Variants in MERTK observed in about 807,000 individuals in gnomAD.
The protein encoded by MERTK is MER proto-oncogene, tyrosine kinase.
A neutral mutation model predicts 99.3 loss-of-function variants in MERTK; 69 were observed. The ratio of observed to expected loss-of-function variants is 0.70; its 90% confidence interval spans 0.57 to 0.85. The LOEUF (loss-of-function observed/expected upper bound fraction) is 0.85, where lower values mean the gene tolerates loss of function less well. Among genes scored for constraint, MERTK ranks in the 40% least tolerant of loss-of-function variants. The pLI, the probability that MERTK is intolerant of heterozygous loss-of-function variation, is 0.00. For missense variants in MERTK, 1,125 were observed against 1,249.4 expected (o/e 0.90, Z 1.50); for synonymous variants, 426 against 467.6 (o/e 0.91, Z 1.15).
At chr2:111,910,885 A>G (rs1350374268) in intron 1 of MERTK, among the ~76,000 whole-genome samples, 1 of 152,172 alleles carries the variant, frequency 6.6e-6, no homozygotes, top group Admixed American at 6.5e-5. Flanking sequence ...AAGAATTCAA[A>G]ATTACAGCAA....
intron 15 of MERTK, 160 bp downstream of exon 15, chr2:112,010,226 T>C (rs1425193152): frequency 1.3e-5 from 9 of 688,512 alleles, no homozygotes; most frequent in Non-Finnish European, 2.4e-5. Context: ...GTGGGGTCTA[T>C]CCTCACAGCA....
chr2:111,968,318 T>G, intron 6 of MERTK, 66 bp downstream of exon 6: 1 of 1,344,370 alleles, frequency 7.4e-7, no homozygotes, highest in Non-Finnish European at 1.1e-6. Context: ...GGATTTTTCT[T>G]CCTTCCAAGG....
At chr2:111,962,681 C>A (rs1198288597) in intron 4 of MERTK, among the ~76,000 whole-genome samples, 1 of 152,154 alleles carries the variant, frequency 6.6e-6, no homozygotes, top group Non-Finnish European at 1.5e-5. Flanking sequence ...TAACTAAGGT[C>A]CATACTTTAG....
intron 4 of MERTK, among the ~76,000 whole-genome samples, chr2:111,958,033 C>T (rs1195133194): frequency 1.3e-5 from 2 of 152,134 alleles, no homozygotes; most frequent in African/African-American, 4.8e-5. Flanking sequence ...TATCTTTTCT[C>T]AAACCAGCAG....
chr2:111,957,184 G>A (rs1414282257), intron 4 of MERTK, among the ~76,000 whole-genome samples: 1 of 151,798 alleles, frequency 6.6e-6, no homozygotes, highest in Non-Finnish European at 1.5e-5. Context: ...GCCTTGGCCA[G>A]TGCTGGGATT....
chr2:111,919,871 A>AG (rs1186956232), intron 1 of MERTK, among the ~76,000 whole-genome samples: 1 of 150,958 alleles, frequency 6.6e-6, no homozygotes, highest in East Asian at 1.9e-4. Context: ...CCCACTGATA[A>AG]GCAAGCCCCT....
At chr2:112,004,605 T>C (rs1373225692) in intron 13 of MERTK, among the ~76,000 whole-genome samples, 19 of 151,790 alleles carry the variant, frequency 1.3e-4, no homozygotes, top group Non-Finnish European at 2.8e-4. Flanking sequence ...CTGCAAGGAG[T>C]AGAGCGCTAT....
At chr2:111,928,749 G>A (rs1414150478) in intron 1 of MERTK, among the ~76,000 whole-genome samples, 2 of 152,216 alleles carry the variant, frequency 1.3e-5, no homozygotes, top group Non-Finnish European at 2.9e-5. Flanking sequence ...ACCTCCCAAA[G>A]TGCCAAGATT....
intron 4 of MERTK, among the ~76,000 whole-genome samples, chr2:111,957,539 C>T (rs1573599648): frequency 6.6e-6 from 1 of 152,240 alleles, no homozygotes; most frequent in Admixed American, 6.5e-5. Context: ...TCTGTTTTTC[C>T]ATAGTACTTA....
chr2:112,022,888 C>T (rs1487346891), intron 18 of MERTK, among the ~76,000 whole-genome samples: 5 of 152,116 alleles, frequency 3.3e-5, no homozygotes, highest in Admixed American at 6.5e-5. Context: ...TCATCAGAAT[C>T]GCTTGGGAGA....
chr2:111,975,384 G>A lies in MERTK; in HGVS notation c.1056G>A (p.Leu352=). The change falls in exon 7 of 19, where the codon CTG becomes CTA. Residue 352 remains leucine (L), a synonymous_variant. Coordinates refer to ENST00000295408, the MANE Select transcript of MERTK (RefSeq NM_006343.3). ...ACCAAATCAAGCAGCTGCAAGCCCT[G>A]GCTAATTACAGCATTGGTGTTTCCT... ...HLYQIKQLQA[L]ANYSIGVSCM... is the part of the protein sequence containing the mutation. The A allele has an allele frequency of 6.2e-7, 1 of 1,614,172 alleles. No individual in the cohort carries two copies. The highest frequency in any genetic ancestry group is 2.2e-5 in the East Asian group (1 of 44,890).
rs1465084300 is a variant in MERTK at position 111,944,905 on chromosome 2, A to G, written c.483-55A>G. The stretch of plus-strand genomic sequence containing the variant: ...GAAGTTGAAGAAGTTTCCATCCTAT[A>G]ATAGGAACTCAAAGGGTAGTCACTG... On this transcript the variant is annotated intron_variant, in intron 2 of 18. Coordinates refer to ENST00000295408, the MANE Select transcript of MERTK (RefSeq NM_006343.3). 4.9e-6 allele frequency: 7 copies of G among 1,417,048 alleles called. No homozygotes were observed. The East Asian group carries it at 1.6e-4, about 32-fold the overall frequency. The allele number at this position is 1,417,048 out of a possible 1,614,324, so 87.8% of individuals were successfully genotyped here.
At chr2:111,947,204 T>C (rs1453390133) in intron 3 of MERTK, among the ~76,000 whole-genome samples, 190 bp from the exon 4 acceptor site, 1 of 151,950 alleles carries the variant, frequency 6.6e-6, no homozygotes, top group Non-Finnish European at 1.5e-5. Flanking sequence ...ACCCAGGAGG[T>C]AGAGATTGCA....
chr2:111,936,204 C>T (rs1250614090), intron 2 of MERTK, among the ~76,000 whole-genome samples: 1 of 152,136 alleles, frequency 6.6e-6, no homozygotes, highest in Non-Finnish European at 1.5e-5. Context: ...GCATGAGCCA[C>T]TGCGCCCGGC....
chr2:112,024,577 G>T (rs942129236), intron 18 of MERTK, among the ~76,000 whole-genome samples: 3 of 152,182 alleles, frequency 2.0e-5, no homozygotes, highest in African/African-American at 7.2e-5. Context: ...CTAGATGCTG[G>T]GTAACAACAG....
chr2:111,922,143 C>T (rs531974249), intron 1 of MERTK, among the ~76,000 whole-genome samples: 6 of 152,332 alleles, frequency 3.9e-5, no homozygotes, highest in African/African-American at 1.4e-4. Context: ...CCAGCACCCT[C>T]AGTCCCACAG....
chr2:111,972,999 A>AG (rs2104731123), intron 6 of MERTK, among the ~76,000 whole-genome samples: 1 of 152,324 alleles, frequency 6.6e-6, no homozygotes, highest in South Asian at 2.1e-4. Flanking sequence ...TCCATGCACT[A>AG]GCAGGACACA....
At position 111,994,239 on chromosome 2, in the gene MERTK, C is replaced by T; in HGVS notation, c.1297-12C>T. On this transcript the variant is annotated splice_polypyrimidine_tract_variant and intron_variant, in intron 8 of 18. Coordinates refer to ENST00000295408, the MANE Select transcript of MERTK (RefSeq NM_006343.3). ...CAGTGTTTTCATTTCCTCTCTTCCT[C>T]TCTGTCTCCAGAAAGAGCTCTTGGA... The T allele has an allele frequency of 1.2e-6, 2 of 1,613,568 alleles. No individual in the cohort carries two copies. The highest frequency in any genetic ancestry group is 1.1e-5 in the South Asian group (1 of 91,054).
chr2:111,969,784 C>T (rs940996367), intron 6 of MERTK, among the ~76,000 whole-genome samples: 8 of 151,428 alleles, frequency 5.3e-5, no homozygotes, highest in East Asian at 2.0e-4. Context: ...CTCCACCTCC[C>T]GGGTTCACGC....
Sources: gnomAD v4.1 joint callset for allele counts (sites outside exome capture counted in the v4.1 genomes callset) on GRCh38, gnomAD v4.1.1 for gene constraint, MANE v1.5 for transcripts, NCBI Gene and HGNC (gene_info 2026-07-23, HGNC 2026-07-21) for gene names.